The following GCNT1 variants were observed in gnomAD, a reference collection of about 807,000 sequenced individuals.
GCNT1 encodes glucosaminyl (N-acetyl) transferase 1, also known as beta-1,3-galactosyl-O-glycosyl-glycoprotein beta-1,6-N-acetylglucosaminyltransferase.
A neutral mutation model predicts 26.2 loss-of-function variants in GCNT1; 16 were observed. That is an observed-to-expected ratio of 0.61 (90% CI 0.41 to 0.93). GCNT1 has a LOEUF of 0.93. Among genes scored for constraint, GCNT1 ranks in the 40% least tolerant of loss-of-function variants. The pLI is 0.00. For synonymous variants in GCNT1, 183 were observed against 190.8 expected, an observed-to-expected ratio of 0.96 and a Z score of 0.34; for missense variants, 477 against 526.7, an observed-to-expected ratio of 0.91 and a Z score of 0.92.
chr9:76,489,474 G>T (rs889997044), intron 2 of GCNT1, among the ~76,000 whole-genome samples: 1 of 152,174 alleles, frequency 6.6e-6, no homozygotes, highest in Non-Finnish European at 1.5e-5. Context: ...AGACCCCAGC[G>T]GGTTGCCACT....
chr9:76,480,590 T>G (rs1824396133), intron 2 of GCNT1, among the ~76,000 whole-genome samples: 1 of 152,182 alleles, frequency 6.6e-6, no homozygotes, highest in African/African-American at 2.4e-5. Context: ...TCCCCCAGGC[T>G]GTCAGCTGGT....
intron 1 of GCNT1, among the ~76,000 whole-genome samples, chr9:76,430,611 C>A (rs1399881488): frequency 6.6e-6 from 1 of 152,022 alleles, no homozygotes; most frequent in Non-Finnish European, 1.5e-5. Flanking sequence ...GTCATGAACT[C>A]CTGAGCTCAA....
chr9:76,403,779 A>C, the GCNT1 span, among the ~76,000 whole-genome samples: 1 of 152,246 alleles, frequency 6.6e-6, no homozygotes, highest in Non-Finnish European at 1.5e-5. Context: ...ATGTTTCACT[A>C]TAGAAGAAGA....
chr9:76,466,703 AT>A (rs1163662705), intron 2 of GCNT1, among the ~76,000 whole-genome samples: 1 of 152,172 alleles, frequency 6.6e-6, no homozygotes, highest in Non-Finnish European at 1.5e-5. Context: ...ACAGTGCAGA[AT>A]TTGGTCTTTG....
chr9:76,404,836 T>A, the GCNT1 span, among the ~76,000 whole-genome samples: 7 of 151,842 alleles, frequency 4.6e-5, no homozygotes, highest in South Asian at 6.3e-4. Context: ...TTTTTTTTTT[T>A]AAACAGAGTC....
intron 1 of GCNT1, 90 bp from the exon 2 acceptor site, chr9:76,459,970 T>G (rs1034231806): frequency 6.6e-6 from 1 of 152,218 alleles, no homozygotes; most frequent in Non-Finnish European, 1.5e-5. Flanking sequence ...CTCTTTTTTT[T>G]AAGTATCTCA....
chr9:76,467,183 C>T (rs1373288278), intron 2 of GCNT1, among the ~76,000 whole-genome samples: 1 of 152,188 alleles, frequency 6.6e-6, no homozygotes, highest in Non-Finnish European at 1.5e-5. Context: ...TCTGGGACTA[C>T]AGGCACCCGC....
the GCNT1 span, among the ~76,000 whole-genome samples, chr9:76,401,576 T>G: frequency 6.6e-6 from 1 of 152,168 alleles, no homozygotes; most frequent in African/African-American, 2.4e-5. Context: ...TCACCCCTAA[T>G]GCGTTGTTAG....
chr9:76,432,537 G>A (rs113772217), intron 1 of GCNT1, among the ~76,000 whole-genome samples: 3 of 151,944 alleles, frequency 2.0e-5, no homozygotes, highest in African/African-American at 4.8e-5. Flanking sequence ...ACAGGGTTTC[G>A]CCATGTTGCC....
At chr9:76,426,429 A>G (rs768074165) in intron 1 of GCNT1, among the ~76,000 whole-genome samples, 4 of 152,098 alleles carry the variant, frequency 2.6e-5, no homozygotes, top group Non-Finnish European at 4.4e-5. Context: ...TTAGGCAGGC[A>G]TGGTGATGCA....
At chr9:76,476,688 GT>G (rs1824260114) in intron 2 of GCNT1, among the ~76,000 whole-genome samples, 1 of 152,186 alleles carries the variant, frequency 6.6e-6, no homozygotes, top group Admixed American at 6.5e-5. Context: ...GTGTTTCGCT[GT>G]TACTTATACT....
At chr9:76,449,910 A>G (rs1249299900) in intron 1 of GCNT1, among the ~76,000 whole-genome samples, 1 of 151,928 alleles carries the variant, frequency 6.6e-6, no homozygotes, top group Non-Finnish European at 1.5e-5. Context: ...CAGCCTCCCA[A>G]GTAGCTAGAA....
rs1205026187 is a variant in GCNT1, at chr9:76,502,306, G to A, written c.-76G>A. 24 of 1,025,364 alleles carry A rather than the reference G, an allele frequency of 2.3e-5. No individual in the cohort carries two copies. Among genetic ancestry groups the A allele is most frequent in the East Asian group, 1.2e-4 (5 of 41,924 alleles). 63.5% of individuals were successfully genotyped at this position (1,025,364 alleles called of 1,614,324 possible). A position where few individuals can be genotyped will look rare whatever the true frequency, so the allele number is the denominator to read the frequency against. On this transcript the variant is annotated 5_prime_UTR_variant, in exon 4 of 4. Coordinates refer to ENST00000376730, the MANE Select transcript of GCNT1 (RefSeq NM_001490.5). ...GCAAACTGACAACCTTCAAGGCCAC[G>A]ACGGAGGGAAAATCATTGGTGCTTG...
chr9:76,424,760 C>T (rs1377674281), intron 1 of GCNT1, among the ~76,000 whole-genome samples: 1 of 152,102 alleles, frequency 6.6e-6, no homozygotes, highest in Non-Finnish European at 1.5e-5. Context: ...ATTCATTCAC[C>T]ACACCTCAGA....
the GCNT1 span, among the ~76,000 whole-genome samples, chr9:76,411,735 T>C: frequency 6.9e-6 from 1 of 144,712 alleles, no homozygotes; most frequent in Non-Finnish European, 1.5e-5. Flanking sequence ...AGAGTCTTGC[T>C]CTGTGGCCCA....
chr9:76,459,792 T>C (rs922080401), intron 1 of GCNT1, among the ~76,000 whole-genome samples: 1 of 152,228 alleles, frequency 6.6e-6, no homozygotes, highest in East Asian at 1.9e-4. Flanking sequence ...GAGCAAACTA[T>C]TACTAATAAG....
At chr9:76,401,082 T>C in the GCNT1 span, among the ~76,000 whole-genome samples, 5 of 152,240 alleles carry the variant, frequency 3.3e-5, no homozygotes, top group Non-Finnish European at 5.9e-5. Flanking sequence ...TATTGGCTGT[T>C]ATGATGATGA....
chr9:76,421,859 A>C (rs11144894), intron 1 of GCNT1, among the ~76,000 whole-genome samples: 1 of 151,448 alleles, frequency 6.6e-6, no homozygotes, highest in Admixed American at 6.6e-5. Context: ...ACACCCGACT[A>C]ATTTTTGTGT....
chr9:76,472,905 T>C (rs1320598295), intron 2 of GCNT1, among the ~76,000 whole-genome samples: 1 of 152,016 alleles, frequency 6.6e-6, no homozygotes, highest in African/African-American at 2.4e-5. Flanking sequence ...CCTGCCACCA[T>C]GGCTGGCTAA....
Sources: allele counts gnomAD v4.1 joint callset (sites outside exome capture counted in the v4.1 genomes callset), GRCh38; gene constraint gnomAD v4.1.1; transcripts MANE v1.5; gene names NCBI Gene and HGNC (gene_info 2026-07-23, HGNC 2026-07-21).